Variants in METTL8 observed in about 807,000 individuals in gnomAD.
METTL8 encodes methyltransferase 8, tRNA N3-cytidine.
METTL8 carries 32 observed loss-of-function variants against 48.7 expected under a neutral mutation model. That is an observed-to-expected ratio of 0.66 (90% CI 0.50 to 0.88). The LOEUF is 0.88. Among genes scored for constraint, METTL8 ranks in the 40% least tolerant of loss-of-function variants. The pLI, the probability that METTL8 is intolerant of heterozygous loss-of-function variation, is 0.00. For synonymous variants in METTL8, 136 were observed against 157.1 expected (o/e 0.87, Z 1.01); for missense variants, 464 against 474.4 (o/e 0.98, Z 0.20).
At chr2:171,431,163 C>A (rs1358293096) in intron 1 of METTL8, among the ~76,000 whole-genome samples, 1 of 152,160 alleles carries the variant, frequency 6.6e-6, no homozygotes, top group Non-Finnish European at 1.5e-5. Context: ...GTGCTTACAC[C>A]AGATGTTTTG....
chr2:171,353,694 T>C (rs1559094968), intron 3 of METTL8, among the ~76,000 whole-genome samples: 1 of 152,230 alleles, frequency 6.6e-6, no homozygotes, highest in Non-Finnish European at 1.5e-5. Flanking sequence ...TCTTGTTGAA[T>C]TGATCCCTTT....
chr2:171,363,738 G>T (rs1685396961), intron 2 of METTL8, among the ~76,000 whole-genome samples: 3 of 142,470 alleles, frequency 2.1e-5, no homozygotes, highest in African/African-American at 7.8e-5. Flanking sequence ...ACTATTACAT[G>T]ACAATATGGA....
chr2:171,351,187 C>A (rs942764498), intron 3 of METTL8, among the ~76,000 whole-genome samples: 8 of 152,172 alleles, frequency 5.3e-5, no homozygotes, highest in African/African-American at 1.9e-4. Flanking sequence ...ATATGGCTAG[C>A]CAGTTTTCCC....
At chr2:171,434,758 G>C (rs1693720768), upstream of METTL8, 3 of 1,388,036 alleles carry the variant, frequency 2.2e-6, no homozygotes, top group East Asian at 5.8e-5. Context: ...CGGCGGCCGA[G>C]CCTCCTGCGG....
At chr2:171,366,821 G>T (rs187214226) in intron 2 of METTL8, among the ~76,000 whole-genome samples, 1 of 149,284 alleles carries the variant, frequency 6.7e-6, no homozygotes, top group Admixed American at 6.7e-5. Flanking sequence ...TTGAGTACGG[G>T]AAGTTGAGGT....
rs1338454985 is a variant in METTL8 at position 171,336,538 on chromosome 2, A to G, written c.656+915T>C. On this transcript the variant is annotated intron_variant, in intron 5 of 9. Transcript: ENST00000375258. ...TGCCTCAGCCTCCCGAGTAGCTGGG[A>G]CTACAGGCGCCCGCCACCACGCCTG... is the stretch of plus-strand genomic sequence containing the variant. Among the ~76,000 whole-genome samples, 3 of 151,340 alleles carry G rather than the reference A, an allele frequency of 2.0e-5. No homozygotes were observed. In the East Asian group the frequency reaches 5.9e-4, roughly 30 times the overall value.
At chr2:171,423,462 T>C (rs1319741700) in intron 1 of METTL8, among the ~76,000 whole-genome samples, 1 of 152,150 alleles carries the variant, frequency 6.6e-6, no homozygotes, top group Non-Finnish European at 1.5e-5. Context: ...GACAGGAAGA[T>C]GTGGGAAAGT....
chr2:171,334,725 C>G (rs924824805), intron 5 of METTL8, among the ~76,000 whole-genome samples: 1 of 152,060 alleles, frequency 6.6e-6, no homozygotes, highest in African/African-American at 2.4e-5. Context: ...CAAAGAAAGA[C>G]AGAGCTAAGA....
chr2:171,375,327 C>G (rs1686850683), intron 2 of METTL8: 1 of 718,310 alleles, frequency 1.4e-6, no homozygotes, highest in East Asian at 2.6e-5. Flanking sequence ...AAGAAACTGC[C>G]AAGTTCCTCG....
intron 3 of METTL8, among the ~76,000 whole-genome samples, chr2:171,359,535 A>G (rs571150111): frequency 1.3e-5 from 2 of 152,280 alleles, no homozygotes; most frequent in East Asian, 3.9e-4. Flanking sequence ...AAGAAAGGAC[A>G]TCAATATATC....
At chr2:171,341,192 G>T (rs969431046) in intron 3 of METTL8, among the ~76,000 whole-genome samples, 1 of 151,874 alleles carries the variant, frequency 6.6e-6, no homozygotes, top group Non-Finnish European at 1.5e-5. Flanking sequence ...GCCAGGTGTG[G>T]TGGCAGGCGC....
At chr2:171,359,230 T>C (rs1335151145) in intron 3 of METTL8, among the ~76,000 whole-genome samples, 4 of 146,834 alleles carry the variant, frequency 2.7e-5, no homozygotes, top group African/African-American at 5.0e-5. Flanking sequence ...AAAGAAGGCA[T>C]ACAAATGGCC....
At chr2:171,403,616 T>C (rs1689853661) in intron 1 of METTL8, among the ~76,000 whole-genome samples, 2 of 152,128 alleles carry the variant, frequency 1.3e-5, no homozygotes, top group Admixed American at 1.3e-4. Flanking sequence ...TATTGGTTCA[T>C]TAACTGTAAC....
At chr2:171,368,946 C>T (rs1022645294) in intron 2 of METTL8, among the ~76,000 whole-genome samples, 1 of 152,078 alleles carries the variant, frequency 6.6e-6, no homozygotes, top group African/African-American at 2.4e-5. Flanking sequence ...AACTAAGAAA[C>T]TACCACTATT....
chr2:171,426,138 T>C (rs1013522628), intron 1 of METTL8, among the ~76,000 whole-genome samples: 5 of 152,062 alleles, frequency 3.3e-5, no homozygotes, highest in South Asian at 4.2e-4. Flanking sequence ...GCCTGGGCAA[T>C]AGAGTAAGAC....
intron 1 of METTL8, among the ~76,000 whole-genome samples, chr2:171,395,582 A>G (rs1688984848): frequency 6.6e-6 from 1 of 152,220 alleles, no homozygotes. Flanking sequence ...TGAAAAGACT[A>G]TTATAGAGAT....
intron 1 of METTL8, chr2:171,414,570 A>G (rs1691098144): frequency 1.3e-5 from 2 of 152,022 alleles, no homozygotes; most frequent in Non-Finnish European, 2.9e-5. Flanking sequence ...TCTACAAAAA[A>G]TTAAAAAATT....
In METTL8 at chr2:171,326,080, T is replaced by C. The variant is rs1175272036; in HGVS notation, c.929A>G (p.Tyr310Cys). Residue 310 changes from tyrosine (Y) to cysteine (C), a missense_variant, in exon 8 of 10, where the codon TAT (tyrosine) becomes TGT (cysteine). Physicochemically the swap from Tyr to Cys is radical, Grantham distance 194. Transcript: ENST00000375258. ...AAGCTGAGTCTTATCATATCTTCCA[T>C]AGTCTCGAAATAACAGCATTCCCCC... ...KPGGMLLFRD[Y>C]GRYDKTQLRF... The C allele has an allele frequency of 1.3e-6, 2 of 1,549,176 alleles. No individual in the cohort carries two copies. The highest frequency in any genetic ancestry group is 1.2e-5 in the South Asian group (1 of 83,918).
At chr2:171,356,554 C>G (rs920792865) in intron 3 of METTL8, among the ~76,000 whole-genome samples, 1 of 152,064 alleles carries the variant, frequency 6.6e-6, no homozygotes, top group Non-Finnish European at 1.5e-5. Flanking sequence ...ATTAATCAAT[C>G]TCTCTTCACC....
Sources: allele counts gnomAD v4.1 joint callset (sites outside exome capture counted in the v4.1 genomes callset), GRCh38; gene constraint gnomAD v4.1.1; transcripts MANE v1.5; gene names NCBI Gene and HGNC (gene_info 2026-07-23, HGNC 2026-07-21).